Variants in SH2D4A observed in about 807,000 individuals in gnomAD.
SH2D4A encodes SH2 domain containing 4A, also known as SH2 domain-containing protein 4A.
A neutral mutation model predicts 64.7 loss-of-function variants in SH2D4A; 70 were observed. The observed-to-expected ratio is 1.08, with a 90% CI of 0.89 to 1.32. SH2D4A has a LOEUF of 1.32. SH2D4A is among the 40% of genes most tolerant of loss of function. The probability of loss-of-function intolerance (pLI) is 0.00; values close to 1 mark genes in which losing one functional copy is unlikely to be tolerated. For missense variants in SH2D4A, 706 were observed against 540.1 expected (o/e 1.31, Z -3.04); for synonymous variants, 268 against 200.7 (o/e 1.34, Z -2.83).
At position 19,394,592 on chromosome 8, in the gene SH2D4A, C is replaced by A. The variant is rs185882535; in HGVS notation, c.1315C>A (p.Pro439Thr). 6.2e-7 allele frequency: 1 copy of A among 1,608,588 alleles called. No individual in the cohort carries two copies. Among genetic ancestry groups the A allele is most frequent in the African/African-American group, 1.3e-5 (1 of 74,906 alleles). Reference sequence around the variant, plus strand: ...CCTGGGGAAGGAGCTCCTTCTCTATCCCTGTGGTCAGCAGGACCAGCTGCC... The same window carrying A: ...CCTGGGGAAGGAGCTCCTTCTCTATACCTGTGGTCAGCAGGACCAGCTGCC... The part of the protein sequence containing the change: ...TSLGKELLLY[P>T]CGQQDQLPDY... Residue 439 changes from proline (P) to threonine (T), a missense_variant, in exon 10 of 10, where the codon CCC (proline) becomes ACC (threonine). Physicochemically the swap from Pro to Thr is conservative, Grantham distance 38. Transcript: ENST00000265807.
intron 3 of SH2D4A, 130 bp from the exon 4 acceptor site, chr8:19,334,556 C>G (rs1345476222): frequency 1.8e-5 from 17 of 951,720 alleles, no homozygotes; most frequent in Non-Finnish European, 2.6e-5. Context: ...AAGGGCCCAG[C>G]ATGTTAGAAG....
chr8:19,357,806 A>G (rs1311075936), intron 5 of SH2D4A, among the ~76,000 whole-genome samples: 1 of 152,108 alleles, frequency 6.6e-6, no homozygotes, highest in Non-Finnish European at 1.5e-5. Context: ...TGAGCTTGCT[A>G]TCATGTCATA....
At chr8:19,357,380 T>C (rs1040626037) in intron 5 of SH2D4A, 97 bp downstream of exon 5, 1 of 917,088 alleles carries the variant, frequency 1.1e-6, no homozygotes, top group Non-Finnish European at 1.7e-6. Flanking sequence ...AGAAATGAAA[T>C]TAAGCAGCAG....
chr8:19,375,061 C>G (rs1223271785), intron 8 of SH2D4A: 1 of 152,074 alleles, frequency 6.6e-6, no homozygotes, highest in East Asian at 1.9e-4. Flanking sequence ...GTTTGAAAGG[C>G]TGAAAGCTAG....
At chr8:19,328,148 T>C (rs916256449) in intron 2 of SH2D4A, among the ~76,000 whole-genome samples, 2 of 152,174 alleles carry the variant, frequency 1.3e-5, no homozygotes, top group African/African-American at 4.8e-5. Context: ...CACCTGCTTT[T>C]CCAAGGTTCT....
intron 1 of SH2D4A, among the ~76,000 whole-genome samples, chr8:19,317,284 A>C (rs953518228): frequency 6.6e-6 from 1 of 150,456 alleles, no homozygotes; most frequent in Non-Finnish European, 1.5e-5. Context: ...AAAAGTCAAG[A>C]AATCTTGACA....
At chr8:19,373,691 C>T (rs199707167) in intron 8 of SH2D4A, 31 bp downstream of exon 8, 83 of 1,605,370 alleles carry the variant, frequency 5.2e-5, no homozygotes, top group East Asian at 2.5e-4. Flanking sequence ...AATGGTGTTT[C>T]GTCTTAGGGC....
intron 2 of SH2D4A, among the ~76,000 whole-genome samples, chr8:19,332,067 C>A (rs2052371456): frequency 6.6e-6 from 1 of 152,028 alleles, no homozygotes; most frequent in South Asian, 2.1e-4. Context: ...CACTGCACTC[C>A]AGCCTGAGTG....
At chr8:19,393,982 C>T (rs986185114) in intron 9 of SH2D4A, among the ~76,000 whole-genome samples, 20 of 152,076 alleles carry the variant, frequency 1.3e-4, no homozygotes, top group African/African-American at 4.6e-4. Context: ...TTATACAGTT[C>T]AACATAGTGT....
At chr8:19,345,225 C>G (rs760681320) in intron 4 of SH2D4A, among the ~76,000 whole-genome samples, 11 of 152,196 alleles carry the variant, frequency 7.2e-5, no homozygotes, top group Non-Finnish European at 1.3e-4. Flanking sequence ...GACCTCATAT[C>G]CTTGTCAACA....
chr8:19,325,444 T>C (rs1230007128), intron 2 of SH2D4A, among the ~76,000 whole-genome samples: 1 of 152,200 alleles, frequency 6.6e-6, no homozygotes. Flanking sequence ...TGAACTCAGA[T>C]ACAGTTCAAC....
chr8:19,380,596 T>C (rs1475243897), intron 8 of SH2D4A, among the ~76,000 whole-genome samples: 1 of 152,242 alleles, frequency 6.6e-6, no homozygotes, highest in African/African-American at 2.4e-5. Flanking sequence ...CATGCGGTTA[T>C]GCAATTTTAC....
At chr8:19,355,824 A>G (rs1007354215) in intron 4 of SH2D4A, among the ~76,000 whole-genome samples, 1 of 152,250 alleles carries the variant, frequency 6.6e-6, no homozygotes, top group African/African-American at 2.4e-5. Context: ...ATGATTAATT[A>G]TAAAACCTCA....
intron 1 of SH2D4A, among the ~76,000 whole-genome samples, chr8:19,315,403 T>G (rs190658702): frequency 2.0e-5 from 3 of 152,358 alleles, no homozygotes; most frequent in Admixed American, 2.0e-4. Flanking sequence ...CCCAAAGTGT[T>G]GGGATTACAT....
At chr8:19,356,281 C>G (rs1217946091) in intron 4 of SH2D4A, among the ~76,000 whole-genome samples, 1 of 152,228 alleles carries the variant, frequency 6.6e-6, no homozygotes, top group Non-Finnish European at 1.5e-5. Context: ...GAGAAAGCCA[C>G]TGGTTTATTG....
intron 2 of SH2D4A, among the ~76,000 whole-genome samples, chr8:19,329,958 C>T (rs2052344493): frequency 6.6e-6 from 1 of 152,188 alleles, no homozygotes; most frequent in South Asian, 2.1e-4. Context: ...GTGTCTACCT[C>T]AGTGCCTGAC....
At position 19,313,771 on chromosome 8, in the gene SH2D4A, C is replaced by T; in HGVS notation, c.-257C>T. On this transcript the variant is annotated 5_prime_UTR_variant, in exon 1 of 10. Transcript: ENST00000265807. ...CCCTTCCCCGACGGCTTCTGGCGGC[C>T]AAGTGGATGTGGCGGGTGATCGAGC... 1.3e-6 allele frequency: 2 copies of T among 1,513,318 alleles called. No homozygotes were observed. The highest frequency in any genetic ancestry group is 1.8e-6 in the Non-Finnish European group (2 of 1,136,216). The allele number at this position is 1,513,318 out of a possible 1,614,324, so 93.7% of individuals were successfully genotyped here.
chr8:19,360,140 A>G (rs1423828433), intron 5 of SH2D4A, among the ~76,000 whole-genome samples: 1 of 152,348 alleles, frequency 6.6e-6, no homozygotes, highest in East Asian at 1.9e-4. Context: ...TCTTAATGCC[A>G]GAAAACAGTA....
chr8:19,330,420 C>T (rs914305124), intron 2 of SH2D4A, among the ~76,000 whole-genome samples: 8 of 152,032 alleles, frequency 5.3e-5, no homozygotes, highest in African/African-American at 1.7e-4. Flanking sequence ...TGACATTTCC[C>T]ATCTCATTCT....
Sources: gnomAD v4.1 joint callset for allele counts (sites outside exome capture counted in the v4.1 genomes callset) on GRCh38, gnomAD v4.1.1 for gene constraint, MANE v1.5 for transcripts, NCBI Gene and HGNC (gene_info 2026-07-23, HGNC 2026-07-21) for gene names.